The following CCDC13 variants were observed in gnomAD, a reference collection of about 807,000 sequenced individuals.
The protein encoded by CCDC13 is coiled-coil domain containing 13.
Under a neutral mutation model 87.3 loss-of-function variants are expected in CCDC13, and 70 were observed. The ratio of observed to expected loss-of-function variants is 0.80; its 90% CI spans 0.66 to 0.98. CCDC13 has a LOEUF of 0.98. CCDC13 is among the 50% of genes least tolerant of loss of function. The pLI, the probability that CCDC13 is intolerant of heterozygous loss-of-function variation, is 0.00. For synonymous variants in CCDC13, 317 were observed against 360.3 expected, an observed-to-expected ratio of 0.88 and a Z score of 1.36; for missense variants, 842 against 892.0, an observed-to-expected ratio of 0.94 and a Z score of 0.71.
At chr3:42,705,109 G>A (rs1698145679), downstream of CCDC13, among the ~76,000 whole-genome samples, 1 of 152,208 alleles carries the variant, frequency 6.6e-6, no homozygotes, top group Admixed American at 6.5e-5. Context: ...GTACATACGT[G>A]TGTATATGTG....
In CCDC13 at chr3:42,747,162, T is replaced by C. The variant is rs769270293; in HGVS notation, c.720+95A>G. The C allele has an allele frequency of 1.5e-5, 14 of 923,070 alleles. No individual in the cohort carries two copies. The Middle Eastern group carries it at 2.8e-3, about 185-fold the overall frequency. 57.2% of individuals were successfully genotyped at this position (923,070 alleles called of 1,614,324 possible). A position where few individuals can be genotyped will look rare whatever the true frequency, so the allele number is the denominator to read the frequency against. On this transcript the variant is annotated intron_variant, in intron 6 of 15. Coordinates refer to ENST00000310232, the MANE Select transcript of CCDC13 (RefSeq NM_144719.4). ...GCAGTGTGCTCAAGGGACTGAGCAC[T>C]CATGGCTCCAGAAAGGAATCCACTG...
At chr3:42,709,207 C>A in intron 15 of CCDC13, 68 bp from the exon 16 acceptor site, 2 of 1,494,468 alleles carry the variant, frequency 1.3e-6, no homozygotes, top group Non-Finnish European at 1.8e-6. Flanking sequence ...TGACAGAGGG[C>A]CCTGGGAATG....
chr3:42,773,022 G>GA (rs1312534229), intron 1 of CCDC13, among the ~76,000 whole-genome samples, 154 bp downstream of exon 1: 1 of 152,224 alleles, frequency 6.6e-6, no homozygotes, highest in Non-Finnish European at 1.5e-5. Flanking sequence ...GGACGAAGGG[G>GA]AAGAGTCCTC....
chr3:42,742,816 A>G, intron 8 of CCDC13, 80 bp downstream of exon 8: 1 of 1,550,756 alleles, frequency 6.4e-7, no homozygotes, highest in Non-Finnish European at 8.8e-7. Context: ...TTCTGACCAC[A>G]TGTGCCTCAG....
At chr3:42,735,940 G>A (rs1699000578) in intron 9 of CCDC13, 27 bp from the exon 10 acceptor site, 3 of 1,600,604 alleles carry the variant, frequency 1.9e-6, no homozygotes, top group Non-Finnish European at 2.6e-6. Flanking sequence ...GAGGGCAGGT[G>A]GAGTCAGTCA....
chr3:42,726,361 G>A (rs1369754705), intron 13 of CCDC13, among the ~76,000 whole-genome samples: 2 of 151,982 alleles, frequency 1.3e-5, no homozygotes, highest in Non-Finnish European at 2.9e-5. Flanking sequence ...AGCTTTTACC[G>A]AAAAATACAG....
rs561046380 is a variant in CCDC13, at chr3:42,716,147, T to A, written c.1719-2831A>T. 2.6e-5 allele frequency among the ~76,000 whole-genome samples: 4 copies of A among 152,248 alleles called. No individual in the cohort carries two copies. In the South Asian group the frequency reaches 8.3e-4, roughly 32 times the overall value. ...TTAAGGCACTGCATAAGCATTATTA[T>A]GTTTAATTCTGTAAGTAAACAAGAT... On this transcript the variant is annotated intron_variant, in intron 13 of 15. Coordinates refer to ENST00000310232, the MANE Select transcript of CCDC13 (RefSeq NM_144719.4).
intron 5 of CCDC13, among the ~76,000 whole-genome samples, chr3:42,748,815 CAT>C (rs1699491473): frequency 6.6e-6 from 1 of 152,186 alleles, no homozygotes; most frequent in Admixed American, 6.5e-5. Flanking sequence ...TTATATGAAA[CAT>C]AATCTCAGCT....
At position 42,758,168 on chromosome 3, in the gene CCDC13, G is replaced by A; in HGVS notation, c.178C>T (p.Leu60Phe). Residue 60 changes from leucine (L) to phenylalanine (F), a missense_variant, in exon 2 of 16, where the codon CTC becomes TTC. Leu to Phe is a conservative substitution (Grantham distance 22, BLOSUM62 0). Coordinates refer to ENST00000310232, the MANE Select transcript of CCDC13 (RefSeq NM_144719.4). ...PLEVSDGLSL[L>F]HAGEPNSKNS... ...TTCGAGTTTGGCTCCCCTGCGTGGA[G>A]AAGGCTGAGGCCATCTGAAACCTCC... The A allele has an allele frequency of 6.2e-7, 1 of 1,614,076 alleles. No individual in the cohort carries two copies. The highest frequency in any genetic ancestry group is 1.3e-5 in the African/African-American group (1 of 75,016).
intron 1 of CCDC13, among the ~76,000 whole-genome samples, chr3:42,770,391 G>C (rs1700042238): frequency 6.6e-6 from 1 of 152,176 alleles, no homozygotes; most frequent in African/African-American, 2.4e-5. Context: ...TGCACCAATT[G>C]ACATTCTGTA....
intron 5 of CCDC13, chr3:42,749,877 G>T (rs573495580): frequency 2.2e-5 from 10 of 456,748 alleles, no homozygotes; most frequent in African/African-American, 2.0e-4. Flanking sequence ...TCTGGAATGT[G>T]CTTTGGAGGC....
At chr3:42,768,513 A>G (rs1281535143) in intron 1 of CCDC13, among the ~76,000 whole-genome samples, 1 of 151,906 alleles carries the variant, frequency 6.6e-6, no homozygotes, top group Admixed American at 6.6e-5. Flanking sequence ...CCTGGCCAAC[A>G]TGGTGAAACC....
At chr3:42,724,561 A>C (rs933425803) in intron 13 of CCDC13, among the ~76,000 whole-genome samples, 2 of 152,240 alleles carry the variant, frequency 1.3e-5, no homozygotes, top group African/African-American at 2.4e-5. Flanking sequence ...AGTTGTTAAC[A>C]GGCCTAACTC....
intron 13 of CCDC13, chr3:42,718,195 C>G (rs1295520010): frequency 6.6e-6 from 1 of 152,144 alleles, no homozygotes; most frequent in East Asian, 1.9e-4. Context: ...AAAGACCCTG[C>G]TGATAGAACA....
chr3:42,735,029 C>T (rs3907218), intron 10 of CCDC13, among the ~76,000 whole-genome samples: 70,686 of 152,126 alleles, frequency 0.46, 16,395 homozygotes, highest in South Asian at 0.58. Flanking sequence ...GACTACACAG[C>T]GTGAGAGAAG....
intron 12 of CCDC13, among the ~76,000 whole-genome samples, chr3:42,730,811 T>G (rs933508646): frequency 2.0e-5 from 3 of 152,284 alleles, no homozygotes; most frequent in African/African-American, 2.4e-5. Flanking sequence ...CTACCAGAAC[T>G]AGAGTTACAC....
chr3:42,726,064 G>A (rs1002084956), intron 13 of CCDC13, among the ~76,000 whole-genome samples: 2 of 152,054 alleles, frequency 1.3e-5, no homozygotes, highest in Admixed American at 6.6e-5. Context: ...TTTTTGAGAC[G>A]GGGGTGTTTT....
At chr3:42,722,793 T>TC (rs1698595713) in intron 13 of CCDC13, among the ~76,000 whole-genome samples, 1 of 130,578 alleles carries the variant, frequency 7.7e-6, no homozygotes, top group African/African-American at 3.3e-5. Context: ...TTCCTTTACT[T>TC]TTTTTTTTTT....
At chr3:42,759,865 G>A (rs1699790902) in intron 1 of CCDC13, among the ~76,000 whole-genome samples, 1 of 152,166 alleles carries the variant, frequency 6.6e-6, no homozygotes, top group Admixed American at 6.5e-5. Context: ...AACTTCATAA[G>A]AAACTGCTAA....
Sources: allele counts gnomAD v4.1 joint callset (sites outside exome capture counted in the v4.1 genomes callset), GRCh38; gene constraint gnomAD v4.1.1; transcripts MANE v1.5; gene names NCBI Gene and HGNC (gene_info 2026-07-23, HGNC 2026-07-21).